TENM4: variants seen among roughly 807,000 people sequenced by gnomAD.
The protein encoded by TENM4 is teneurin transmembrane protein 4.
Under a neutral mutation model 243.3 loss-of-function variants are expected in TENM4, and 82 were observed. The ratio of observed to expected loss-of-function variants is 0.34; its 90% confidence interval spans 0.28 to 0.40. TENM4 has a LOEUF of 0.40. TENM4 is among the 10% of genes least tolerant of loss of function. The pLI is 1.00. For missense variants in TENM4, 3,138 were observed against 3,673.3 expected (o/e 0.85, Z 3.77); for synonymous variants, 1,412 against 1,456.3 (o/e 0.97, Z 0.69).
chr11:78,769,972 T>C (rs1465232749), intron 18 of TENM4, among the ~76,000 whole-genome samples: 1 of 152,262 alleles, frequency 6.6e-6, no homozygotes. Flanking sequence ...GTTAGGATGC[T>C]GAGTTTCTGA....
chr11:78,963,699 C>T (rs996150015), intron 6 of TENM4, among the ~76,000 whole-genome samples: 1 of 150,220 alleles, frequency 6.7e-6, no homozygotes, highest in Non-Finnish European at 1.5e-5. Flanking sequence ...TTCACAGTCA[C>T]CAATTCCTAT....
chr11:79,177,948 G>A (rs1863200262), intron 3 of TENM4, among the ~76,000 whole-genome samples: 1 of 152,158 alleles, frequency 6.6e-6, no homozygotes, highest in African/African-American at 2.4e-5. Context: ...GAGGAGTGAT[G>A]TGAACAGATT....
chr11:79,434,545 A>C (rs1001587039), intron 1 of TENM4, among the ~76,000 whole-genome samples: 1 of 152,172 alleles, frequency 6.6e-6, no homozygotes, highest in African/African-American at 2.4e-5. Context: ...TGGCTGAAGC[A>C]CTCCAGAAAG....
At chr11:78,963,464 G>T (rs984936704) in intron 6 of TENM4, among the ~76,000 whole-genome samples, 1 of 152,180 alleles carries the variant, frequency 6.6e-6, no homozygotes, top group South Asian at 2.1e-4. Flanking sequence ...TACAGCAAGG[G>T]CTGCTCATTT....
chr11:78,702,465 T>C, intron 27 of TENM4, 62 bp from the exon 28 acceptor site: 1 of 1,548,610 alleles, frequency 6.5e-7, no homozygotes, highest in Non-Finnish European at 8.7e-7. Context: ...ATCCATCCCA[T>C]AGCCCATGTA....
rs145772635 is a variant in TENM4, at chr11:79,114,150, G to A, written c.-66+34560C>T. Among the ~76,000 whole-genome samples, 821 of 152,180 alleles carry A rather than the reference G, an allele frequency of 5.4e-3. 8 individuals carry two copies. Among genetic ancestry groups the A allele is most frequent in the African/African-American group, 0.019 (794 of 41,514 alleles). ...AATTCACTCTATGAGCTCGTGTTCAGGCCAATCTCCCTCAACATGTATTTT... is the reference window on the plus strand; with the variant it reads ...AATTCACTCTATGAGCTCGTGTTCAAGCCAATCTCCCTCAACATGTATTTT... On this transcript the variant is annotated intron_variant, in intron 4 of 33. Transcript: ENST00000278550.
Position 78,656,289 on chromosome 11 carries a change from C to A in TENM4, c.*1769G>T, listed in dbSNP as rs1857892432. 6.6e-6 allele frequency: 1 copy of A among 152,244 alleles called. No homozygotes were observed. Among genetic ancestry groups the A allele is most frequent in the Non-Finnish European group, 1.5e-5 (1 of 68,058 alleles). 9.4% of individuals were successfully genotyped at this position (152,244 alleles called of 1,614,324 possible). On this transcript the variant is annotated 3_prime_UTR_variant, in exon 34 of 34. Transcript: ENST00000278550. ...GTTTCCACGGGGAATAGCTCAGACT[C>A]AGAATTCATTTTCCACACTTAATGT...
intron 2 of TENM4, among the ~76,000 whole-genome samples, chr11:79,239,536 G>A (rs910855490): frequency 1.3e-5 from 2 of 152,020 alleles, no homozygotes; most frequent in African/African-American, 4.8e-5. Context: ...TGAACTCAAG[G>A]GCCCATGCTC....
chr11:79,160,214 T>C (rs1862712958), intron 3 of TENM4, among the ~76,000 whole-genome samples: 1 of 152,178 alleles, frequency 6.6e-6, no homozygotes, highest in Admixed American at 6.5e-5. Flanking sequence ...TTTAACATCC[T>C]GCTTGTTGAT....
At position 79,404,593 on chromosome 11, in the gene TENM4, A is replaced by G. The variant is rs147378695; in HGVS notation, c.-321+35916T>C. On this transcript the variant is annotated intron_variant, in intron 1 of 33. Coordinates refer to ENST00000278550, the MANE Select transcript of TENM4 (RefSeq NM_001098816.3). ...CTAAATTGTACACTTTAGAATGACT[A>G]GTGGTTAACTTTATGTTCTGTGAAT... Among the ~76,000 whole-genome samples, 24 of 152,332 alleles carry G rather than the reference A, an allele frequency of 1.6e-4. 1 individual carries two copies. The East Asian group carries it at 3.7e-3, about 23-fold the overall frequency.
In TENM4 at chr11:79,013,041, G is replaced by T. The variant is rs145515556; in HGVS notation, c.493+51697C>A. On this transcript the variant is annotated intron_variant, in intron 6 of 33. Transcript: ENST00000278550. The stretch of plus-strand genomic sequence containing the variant: ...GGAACACTACACCAGACTGATACAC[G>T]AACAAGATTTATGCAGTCCTTGGAA... 5.9e-5 allele frequency among the ~76,000 whole-genome samples: 9 copies of T among 152,274 alleles called. No individual in the cohort carries two copies. In the East Asian group the frequency reaches 1.7e-3, roughly 29 times the overall value.
At chr11:79,027,682 T>C (rs1273383653) in intron 6 of TENM4, among the ~76,000 whole-genome samples, 4 of 152,196 alleles carry the variant, frequency 2.6e-5, no homozygotes, top group Non-Finnish European at 5.9e-5. Context: ...TCCTTGGACA[T>C]TTCTTCTCTG....
chr11:79,349,848 A>T (rs498900), intron 1 of TENM4, among the ~76,000 whole-genome samples: 2 of 152,090 alleles, frequency 1.3e-5, no homozygotes, highest in African/African-American at 4.8e-5. Context: ...CAGACTCACA[A>T]AGCAGTTAGA....
chr11:79,161,886 C>T (rs1296564420), intron 3 of TENM4, among the ~76,000 whole-genome samples: 1 of 152,182 alleles, frequency 6.6e-6, no homozygotes, highest in Non-Finnish European at 1.5e-5. Flanking sequence ...CGCACTTAGA[C>T]ATACCACCTC....
chr11:79,306,963 C>T (rs574628253), intron 1 of TENM4, among the ~76,000 whole-genome samples: 12 of 152,244 alleles, frequency 7.9e-5, no homozygotes, highest in South Asian at 4.1e-4. Flanking sequence ...AATTTTATTT[C>T]GTAAGGGAGA....
chr11:78,852,817 A>G (rs1464226619), intron 12 of TENM4, among the ~76,000 whole-genome samples: 2 of 152,164 alleles, frequency 1.3e-5, no homozygotes, highest in African/African-American at 4.8e-5. Context: ...TAGTATGATC[A>G]TAGCCCACTG....
chr11:79,189,901 T>C (rs1287070128), intron 3 of TENM4, among the ~76,000 whole-genome samples: 1 of 152,202 alleles, frequency 6.6e-6, no homozygotes, highest in African/African-American at 2.4e-5. Flanking sequence ...CAGAGCACTC[T>C]GGGATCTCTA....
intron 1 of TENM4, among the ~76,000 whole-genome samples, chr11:79,427,880 G>A (rs1399330492): frequency 1.3e-5 from 2 of 152,192 alleles, no homozygotes; most frequent in Non-Finnish European, 1.5e-5. Context: ...TCCACGGCAT[G>A]ATGATAATGG....
At chr11:79,322,309 A>G (rs1385686250) in intron 1 of TENM4, among the ~76,000 whole-genome samples, 1 of 152,216 alleles carries the variant, frequency 6.6e-6, no homozygotes, top group Non-Finnish European at 1.5e-5. Context: ...GAGGCTTAAA[A>G]GAGCCCTATG....
Sources: allele counts gnomAD v4.1 joint callset (sites outside exome capture counted in the v4.1 genomes callset), GRCh38; gene constraint gnomAD v4.1.1; transcripts MANE v1.5; gene names NCBI Gene and HGNC (gene_info 2026-07-23, HGNC 2026-07-21).